PLCD4: variants seen among roughly 807,000 people sequenced by gnomAD.
PLCD4 encodes the protein phospholipase C delta 4.
A neutral mutation model predicts 90.2 loss-of-function variants in PLCD4; 63 were observed. The observed-to-expected ratio is 0.70, with a 90% confidence interval of 0.57 to 0.86. The LOEUF (loss-of-function observed/expected upper bound fraction) is 0.86, where lower values mean the gene tolerates loss of function less well. Among genes scored for constraint, PLCD4 ranks in the 40% least tolerant of loss-of-function variants. The pLI is 0.00. For missense variants in PLCD4, 830 were observed against 956.3 expected, an observed-to-expected ratio of 0.87 and a Z score of 1.74; for synonymous variants, 294 against 356.5, an observed-to-expected ratio of 0.82 and a Z score of 1.97.
chr2:218,633,266 TATA>T lies in PLCD4; in HGVS notation c.1450-331_1450-329del, dbSNP rs1696491077. 50 of 629,318 alleles carry T rather than the reference TATA, an allele frequency of 7.9e-5. No homozygotes were observed. The South Asian group carries it at 9.1e-4, about 11-fold the overall frequency. The allele number at this position is 629,318 out of a possible 1,614,324, so 39.0% of individuals were successfully genotyped here. On this transcript the variant is annotated intron_variant, in intron 10 of 15. Coordinates refer to ENST00000450993, the MANE Select transcript of PLCD4 (RefSeq NM_032726.4). Reference sequence around the variant, plus strand: ...GGAGGATAATGCCTCTCTGTTTAAATATAATAATAAATTTAAAACCTGTCACCC... The same window carrying T: ...GGAGGATAATGCCTCTCTGTTTAAATATAATAAATTTAAAACCTGTCACCC...
chr2:218,636,750 C>A lies in PLCD4; in HGVS notation c.*173C>A. 1.4e-6 allele frequency: 1 copy of A among 720,156 alleles called. No homozygotes were observed. The highest frequency in any genetic ancestry group is 2.4e-6 in the Non-Finnish European group (1 of 422,816). 44.6% of individuals were successfully genotyped at this position (720,156 alleles called of 1,614,324 possible). On this transcript the variant is annotated 3_prime_UTR_variant, in exon 16 of 16. Coordinates refer to ENST00000450993, the MANE Select transcript of PLCD4 (RefSeq NM_032726.4). ...AAGCAATCTGGGACCTGATTTTCCACCTTTTTTCTCTTTTCTTCCCTTCCT... is the reference window on the plus strand; with the variant it reads ...AAGCAATCTGGGACCTGATTTTCCAACTTTTTTCTCTTTTCTTCCCTTCCT...
chr2:218,625,132 AG>A (rs200621432), intron 6 of PLCD4, among the ~76,000 whole-genome samples: 5,708 of 134,356 alleles, frequency 0.042, 578 homozygotes, highest in East Asian at 0.095. Flanking sequence ...AAAAAAAAAA[AG>A]AAAGAAAGAA....
chr2:218,615,191 G>T (rs1461254614), intron 1 of PLCD4, among the ~76,000 whole-genome samples: 1 of 152,150 alleles, frequency 6.6e-6, no homozygotes. Flanking sequence ...CTGCACTCCA[G>T]CCTGGGTGAC....
At position 218,622,748 on chromosome 2, in the gene PLCD4, T is replaced by C. The variant is rs1160139646; in HGVS notation, c.642T>C (p.Ser214=). 2 of 1,613,742 alleles carry C rather than the reference T, an allele frequency of 1.2e-6. No individual in the cohort carries two copies. Among genetic ancestry groups the C allele is most frequent in the African/African-American group, 2.7e-5 (2 of 74,842 alleles). Reference sequence around the variant, plus strand: ...CTGAGGTGCAGGAACTGTTTGAAAGTTTTTCAGCTGATGGGCAGAAGCTGA... The same window carrying C: ...CTGAGGTGCAGGAACTGTTTGAAAGCTTTTCAGCTGATGGGCAGAAGCTGA... The part of the protein sequence containing the change: ...KRAEVQELFE[S]FSADGQKLTL... The change falls in exon 6 of 16, where the codon AGT becomes AGC. Residue 214 remains serine (S), a synonymous_variant. Coordinates refer to ENST00000450993, the MANE Select transcript of PLCD4 (RefSeq NM_032726.4).
intron 8 of PLCD4, 108 bp from the exon 9 acceptor site, chr2:218,630,542 G>A (rs1696315432): frequency 3.2e-6 from 4 of 1,240,336 alleles, no homozygotes; most frequent in Non-Finnish European, 3.5e-6. Flanking sequence ...AGTGATCAGG[G>A]TACTCATCTG....
Position 218,634,368 on chromosome 2 carries a change from C to T in PLCD4, c.1724-90C>T. 6.4e-7 allele frequency: 1 copy of T among 1,552,046 alleles called. No individual in the cohort carries two copies. The highest frequency in any genetic ancestry group is 8.8e-7 in the Non-Finnish European group (1 of 1,139,820). ...GTGGATATTACCAGCAGGTACCGTG[C>T]ACCCAGTACCTATCTTCTTAACTCC... is the stretch of plus-strand genomic sequence containing the variant. On this transcript the variant is annotated intron_variant, in intron 12 of 15. Coordinates refer to ENST00000450993, the MANE Select transcript of PLCD4 (RefSeq NM_032726.4). This position sits in a 1 kb window ranked among gnomAD's most constrained non-coding sequence, Gnocchi z 4.0.
intron 8 of PLCD4, among the ~76,000 whole-genome samples, chr2:218,629,948 C>A (rs540509993): frequency 2.6e-5 from 4 of 152,280 alleles, no homozygotes; most frequent in African/African-American, 9.6e-5. Flanking sequence ...GAGGCCGAGG[C>A]GGGTGGATCA....
In PLCD4 at chr2:218,615,889, C is replaced by A. The variant is rs1423844691; in HGVS notation, c.23-15C>A. On this transcript the variant is annotated splice_polypyrimidine_tract_variant and intron_variant, in intron 2 of 15. Transcript: ENST00000450993. ...CTCTCTGCTGGCTACCTAACCCCTG[C>A]TTTTCCTGACCTAGAGCTGACCACT... is the stretch of plus-strand genomic sequence containing the variant. The A allele has an allele frequency of 6.2e-7, 1 of 1,613,292 alleles. No homozygotes were observed. The highest frequency in any genetic ancestry group is 1.1e-5 in the South Asian group (1 of 91,076).
Position 218,634,262 on chromosome 2 carries a change from C to T in PLCD4, c.1723+41C>T. ...GGACTGGGAAGAGGGAGTGGAGGAG[C>T]AGCAGGTGGGAAATAAGTTCTCTAG... On this transcript the variant is annotated intron_variant, in intron 12 of 15. Coordinates refer to ENST00000450993, the MANE Select transcript of PLCD4 (RefSeq NM_032726.4). This position sits in a 1 kb window ranked among gnomAD's most constrained non-coding sequence, Gnocchi z 4.0. 3.2e-6 allele frequency: 5 copies of T among 1,585,440 alleles called. No individual in the cohort carries two copies. The highest frequency in any genetic ancestry group is 4.3e-6 in the Non-Finnish European group (5 of 1,165,742).
rs745877317 is a variant in PLCD4 at position 218,628,213 on chromosome 2, C to A, written c.957C>A (p.Ser319Arg). ...LVGDQLCGQS[S>R]VEGYIRALKR... is the part of the protein sequence containing the mutation. ...GGGACCAGCTTTGTGGCCAGAGCAG[C>A]GTCGAGGGATATATACGGTGCAGTG... is the stretch of plus-strand genomic sequence containing the variant. Residue 319 changes from serine (S) to arginine (R), a missense_variant, in exon 7 of 16, where the codon AGC becomes AGA. By Grantham distance (110) the Ser-to-Arg change is moderately radical. Coordinates refer to ENST00000450993, the MANE Select transcript of PLCD4 (RefSeq NM_032726.4). 6.2e-7 allele frequency: 1 copy of A among 1,613,804 alleles called. No homozygotes were observed. Among genetic ancestry groups the A allele is most frequent in the African/African-American group, 1.3e-5 (1 of 74,924 alleles).
At chr2:218,617,315 G>A (rs1356389215) in intron 3 of PLCD4, among the ~76,000 whole-genome samples, 1 of 148,742 alleles carries the variant, frequency 6.7e-6, no homozygotes, top group African/African-American at 2.4e-5. Flanking sequence ...GGTGGATCAT[G>A]CCTGTAATCC....
At chr2:218,616,117 G>A in intron 3 of PLCD4, 55 bp downstream of exon 3, 5 of 1,587,172 alleles carry the variant, frequency 3.2e-6, no homozygotes, top group Non-Finnish European at 4.3e-6. Flanking sequence ...GGCCTGAGGA[G>A]CCCGGCAGGG....
chr2:218,610,963 C>A (rs1695307170), intron 1 of PLCD4, among the ~76,000 whole-genome samples: 1 of 152,120 alleles, frequency 6.6e-6, no homozygotes, highest in Admixed American at 6.6e-5. Flanking sequence ...CCTGGCCTTA[C>A]ATGATCTGCC....
intron 4 of PLCD4, among the ~76,000 whole-genome samples, chr2:218,619,266 CATAT>C (rs3074252): frequency 0.81 from 118,235 of 146,728 alleles, 51,792 homozygotes; most frequent in Non-Finnish European, 0.97. Context: ...TATAGGGGTA[CATAT>C]ATATATATAT....
At chr2:218,620,658 G>C (rs980559869) in intron 4 of PLCD4, among the ~76,000 whole-genome samples, 1 of 151,796 alleles carries the variant, frequency 6.6e-6, no homozygotes, top group Non-Finnish European at 1.5e-5. Flanking sequence ...TGAGGCTGTA[G>C]TGAGCCATGA....
chr2:218,611,450 T>C (rs1223930658), intron 1 of PLCD4, among the ~76,000 whole-genome samples: 1 of 152,182 alleles, frequency 6.6e-6, no homozygotes, highest in African/African-American at 2.4e-5. Context: ...TGCAATCTTC[T>C]TGCAGTCCTA....
At position 218,636,762 on chromosome 2, in the gene PLCD4, TTTC is replaced by T. The variant is rs971531265; in HGVS notation, c.*189_*191del. ...ACCTGATTTTCCACCTTTTTTCTCT[TTTC>T]TTCCCTTCCTTTGTTTTCATAAGCC... On this transcript the variant is annotated 3_prime_UTR_variant, in exon 16 of 16. Transcript: ENST00000450993. 1 of 685,278 alleles carries T rather than the reference TTTC, an allele frequency of 1.5e-6. No individual in the cohort carries two copies. Among genetic ancestry groups the T allele is most frequent in the Admixed American group, 2.5e-5 (1 of 40,762 alleles). 42.4% of individuals were successfully genotyped at this position (685,278 alleles called of 1,614,324 possible).
At chr2:218,614,123 G>A (rs1051124615) in intron 1 of PLCD4, among the ~76,000 whole-genome samples, 5 of 151,232 alleles carry the variant, frequency 3.3e-5, no homozygotes, top group South Asian at 2.1e-4. Flanking sequence ...AGGTTCACAC[G>A]ACTCTCCTGC....
intron 1 of PLCD4, among the ~76,000 whole-genome samples, chr2:218,609,091 C>G (rs1303660049): frequency 6.8e-6 from 1 of 147,402 alleles, no homozygotes; most frequent in Admixed American, 6.9e-5. Context: ...TGCAGTGAGC[C>G]AAGATCGCAC....
Sources: gnomAD v4.1 joint callset for allele counts (sites outside exome capture counted in the v4.1 genomes callset) on GRCh38, gnomAD v4.1.1 for gene constraint, Gnocchi (gnomAD v3.1) non-coding constraint, MANE v1.5 for transcripts, NCBI Gene and HGNC (gene_info 2026-07-23, HGNC 2026-07-21) for gene names.